The following CACTIN variants were observed in gnomAD, a reference collection of about 807,000 sequenced individuals.
CACTIN encodes cactin, spliceosome C complex subunit.
In CACTIN, 20 loss-of-function variants were observed where a neutral mutation model predicts 84.9. That is an observed-to-expected ratio of 0.24 (90% CI 0.17 to 0.34). CACTIN has a LOEUF of 0.34. Among genes scored for constraint, CACTIN ranks in the 10% least tolerant of loss-of-function variants. The probability of loss-of-function intolerance (pLI) is 1.00; values close to 1 mark genes in which losing one functional copy is unlikely to be tolerated. For missense variants in CACTIN, 897 were observed against 1,117.2 expected (o/e 0.80, Z 2.81); for synonymous variants, 549 against 467.9 (o/e 1.17, Z -2.24).
intron 3 of CACTIN, 36 bp downstream of exon 3, chr19:3,620,671 G>A: frequency 6.5e-7 from 1 of 1,546,262 alleles, no homozygotes; most frequent in Non-Finnish European, 8.8e-7. Context: ...CCCTGGAAAG[G>A]GAGGGCCCTG....
At chr19:3,619,052 C>G (rs1391475257) in intron 5 of CACTIN, 28 bp downstream of exon 5, 1 of 1,550,332 alleles carries the variant, frequency 6.5e-7, no homozygotes, top group South Asian at 1.2e-5. Context: ...GGGTGCAGGT[C>G]AGAGGAGCAT....
chr19:3,626,458 T>C (rs1164900107), intron 1 of CACTIN, 138 bp downstream of exon 1: 1 of 980,176 alleles, frequency 1.0e-6, no homozygotes, highest in South Asian at 2.6e-5. Flanking sequence ...TTCCAACCGG[T>C]GGTCAATTGT....
intron 6 of CACTIN, among the ~76,000 whole-genome samples, chr19:3,617,107 G>A (rs1408841913): frequency 7.5e-6 from 1 of 133,266 alleles, no homozygotes. Flanking sequence ...GTGACAGAGT[G>A]AGACTCCTTC....
intron 3 of CACTIN, 122 bp from the exon 4 acceptor site, chr19:3,620,394 GA>G: frequency 8.8e-7 from 1 of 1,135,934 alleles, no homozygotes; most frequent in Non-Finnish European, 1.3e-6. Context: ...GATTGGTCCG[GA>G]GATGCCTGGG....
chr19:3,613,695 G>C, intron 7 of CACTIN, 109 bp from the exon 8 acceptor site: 1 of 1,441,698 alleles, frequency 6.9e-7, no homozygotes, highest in Non-Finnish European at 9.3e-7. Context: ...AGAAGGTGGC[G>C]AGCAGCCACG....
Position 3,618,862 on chromosome 19 carries a change from T to G in CACTIN, c.1162+13A>C. On this transcript the variant is annotated intron_variant, in intron 6 of 9. Transcript: ENST00000429344. ...GCAGCTCCCCTGGAGCCCAGGCCCA[T>G]GCCCGCCGTTACCTGGCCCCTTGCC... 1 of 1,541,878 alleles carries G rather than the reference T, an allele frequency of 6.5e-7. No homozygotes were observed. The highest frequency in any genetic ancestry group is 8.8e-7 in the Non-Finnish European group (1 of 1,140,364).
At position 3,611,749 on chromosome 19, in the gene CACTIN, A is replaced by G; in HGVS notation, c.*174T>C. The G allele has an allele frequency of 1.2e-6, 1 of 836,324 alleles. No homozygotes were observed. The highest frequency in any genetic ancestry group is 2.2e-4 in the Middle Eastern group (1 of 4,642). The allele number at this position is 836,324 out of a possible 1,614,324, so 51.8% of individuals were successfully genotyped here. A position where few individuals can be genotyped will look rare whatever the true frequency, so the allele number is the denominator to read the frequency against. Reference sequence around the variant, plus strand: ...GCTCACCATGGCAGGCTCAATGGTGACCCCCCTTTTATATAGGAGGAAACT... The same window carrying G: ...GCTCACCATGGCAGGCTCAATGGTGGCCCCCCTTTTATATAGGAGGAAACT... On this transcript the variant is annotated 3_prime_UTR_variant, in exon 10 of 10. Coordinates refer to ENST00000429344, the MANE Select transcript of CACTIN (RefSeq NM_001080543.2).
rs369703510 is a variant in CACTIN, at chr19:3,612,106, G to A, written c.2094C>T (p.Ala698=). The A allele has an allele frequency of 3.0e-5, 48 of 1,613,694 alleles. No homozygotes were observed. The African/African-American group carries it at 6.3e-4, about 21-fold the overall frequency. ...KRSTPEYFLE[A]CADNKDFAIL... ...TGGCGAAATCCTTGTTGTCGGCGCA[G>A]GCCTCCAGGAAGTACTCGGGCGTGG... The change falls in exon 10 of 10, where the codon GCC becomes GCT. Residue 698 remains alanine, a synonymous_variant. Transcript: ENST00000429344.
At chr19:3,621,605 T>G (rs1434844660) in intron 2 of CACTIN, among the ~76,000 whole-genome samples, 1 of 152,066 alleles carries the variant, frequency 6.6e-6, no homozygotes, top group African/African-American at 2.4e-5. Flanking sequence ...CACATCTTCC[T>G]CCTCCATGGC....
At position 3,612,001 on chromosome 19, in the gene CACTIN, G is replaced by C. The variant is rs145384092; in HGVS notation, c.2199C>G (p.Arg733=). 6.3e-4 allele frequency: 1,019 copies of C among 1,613,658 alleles called. 7 individuals are homozygous for C. The African/African-American group carries it at 0.012, about 19-fold the overall frequency. The change falls in exon 10 of 10, where the codon CGC becomes CGG. Residue 733 remains arginine (R), a synonymous_variant. Coordinates refer to ENST00000429344, the MANE Select transcript of CACTIN (RefSeq NM_001080543.2). ...IVNREWEYSH[R]HGFRCQFANG... is the part of the protein sequence containing the mutation. Reference sequence around the variant, plus strand: ...TGGCAAACTGGCAGCGGAAGCCGTGGCGGTGCGAGTATTCCCACTCGCGGT... The same window carrying C: ...TGGCAAACTGGCAGCGGAAGCCGTGCCGGTGCGAGTATTCCCACTCGCGGT...
chr19:3,620,819 C>A lies in CACTIN; in HGVS notation c.643-17G>T. On this transcript the variant is annotated splice_polypyrimidine_tract_variant and intron_variant, in intron 2 of 9. Transcript: ENST00000429344. The stretch of plus-strand genomic sequence containing the variant: ...CTCCAGGGCCTGGAAGCACCAGGCA[C>A]ACCTGCCCTGAGCACAGACCCGCCC... The A allele has an allele frequency of 6.2e-7, 1 of 1,605,730 alleles. No homozygotes were observed. The highest frequency in any genetic ancestry group is 8.5e-7 in the Non-Finnish European group (1 of 1,174,014).
intron 9 of CACTIN, 42 bp downstream of exon 9, chr19:3,613,016 G>C (rs776655988): frequency 1.1e-4 from 160 of 1,473,690 alleles, no homozygotes; most frequent in Admixed American, 1.7e-4. Flanking sequence ...CCCCCAGCTC[G>C]CCCCACTGGC....
At position 3,614,381 on chromosome 19, in the gene CACTIN, C is replaced by T. The variant is rs544160428; in HGVS notation, c.1355+16G>A. The stretch of plus-strand genomic sequence containing the variant: ...CCCGGACGGCACCAACCCTGGTACC[C>T]GCACCTAGTGCTCACCGGGCCCGTG... On this transcript the variant is annotated intron_variant, in intron 7 of 9. Transcript: ENST00000429344. The T allele has an allele frequency of 1.5e-5, 23 of 1,559,038 alleles. No individual in the cohort carries two copies. Among genetic ancestry groups the T allele is most frequent in the South Asian group, 2.4e-5 (2 of 84,838 alleles).
chr19:3,626,281 C>T (rs535695436), intron 1 of CACTIN, among the ~76,000 whole-genome samples: 1 of 152,342 alleles, frequency 6.6e-6, no homozygotes, highest in South Asian at 2.1e-4. Flanking sequence ...CATTTCCCTC[C>T]GACTAATAGC....
chr19:3,623,707 C>T lies in CACTIN; in HGVS notation c.623G>A (p.Gly208Asp), dbSNP rs1207302617. 1 of 1,610,180 alleles carries T rather than the reference C, an allele frequency of 6.2e-7. No homozygotes were observed. Among genetic ancestry groups the T allele is most frequent in the Non-Finnish European group, 8.5e-7 (1 of 1,177,516 alleles). ...GCCCACCTTATTCCAGATGAAGGTG[C>T]CCAGCAGGTTGTTGTCTCCGAAGGG... ...DNPFGDNNLL[G>D]TFIWNKALEK... The change falls in exon 2 of 10, where the codon GGC becomes GAC. Residue 208 changes from glycine to aspartate, a missense_variant. Gly to Asp is a moderately conservative substitution (Grantham distance 94). This residue lies in a region of CACTIN where 304 missense variants were observed against 444.3 expected (regional missense o/e 0.68). Coordinates refer to ENST00000429344, the MANE Select transcript of CACTIN (RefSeq NM_001080543.2).
rs1399744239 is a variant in CACTIN, at chr19:3,611,057, CA to C, written c.*865del. On this transcript the variant is annotated 3_prime_UTR_variant, in exon 10 of 10. Coordinates refer to ENST00000429344, the MANE Select transcript of CACTIN (RefSeq NM_001080543.2). ...GTCTCATGCTCCAAGGCCCCGTGAGCAGGCCAGGTGGGGGGATCCCTGGGGG... is the reference window on the plus strand; with the variant it reads ...GTCTCATGCTCCAAGGCCCCGTGAGCGGCCAGGTGGGGGGATCCCTGGGGG... The C allele has an allele frequency of 2.4e-6, 1 of 422,172 alleles. No homozygotes were observed. The highest frequency in any genetic ancestry group is 4.8e-6 in the Non-Finnish European group (1 of 207,388). 26.2% of individuals were successfully genotyped at this position (422,172 alleles called of 1,614,324 possible).
chr19:3,611,541 G>A lies in CACTIN; in HGVS notation c.*382C>T, dbSNP rs1176725908. On this transcript the variant is annotated 3_prime_UTR_variant, in exon 10 of 10. Coordinates refer to ENST00000429344, the MANE Select transcript of CACTIN (RefSeq NM_001080543.2). ...CTGGCCCATCTCCACAACACCCTGTGTGGCCGCCACTTGGGGCAGGCCCTG... is the reference window on the plus strand; with the variant it reads ...CTGGCCCATCTCCACAACACCCTGTATGGCCGCCACTTGGGGCAGGCCCTG... The A allele has an allele frequency of 2.7e-6, 1 of 366,738 alleles. No homozygotes were observed. The highest frequency in any genetic ancestry group is 5.3e-6 in the Non-Finnish European group (1 of 189,022). 22.7% of individuals were successfully genotyped at this position (366,738 alleles called of 1,614,324 possible).
chr19:3,610,792 G>A lies in CACTIN; in HGVS notation c.*1131C>T, dbSNP rs1272287885. The A allele has an allele frequency of 2.2e-6, 1 of 456,928 alleles. No homozygotes were observed. The highest frequency in any genetic ancestry group is 1.5e-5 in the South Asian group (1 of 64,570). The allele number at this position is 456,928 out of a possible 1,614,324, so 28.3% of individuals were successfully genotyped here. A position where few individuals can be genotyped will look rare whatever the true frequency, so the allele number is the denominator to read the frequency against. On this transcript the variant is annotated 3_prime_UTR_variant, in exon 10 of 10. Coordinates refer to ENST00000429344, the MANE Select transcript of CACTIN (RefSeq NM_001080543.2). ...CCAGATGAGGCGGGGTGTCTGGGAG[G>A]GGCTGTGGGTGGTCTGGGGCTGGTG...
chr19:3,613,318 T>C lies in CACTIN; in HGVS notation c.1526A>G (p.Glu509Gly), dbSNP rs1156714914. ...CACCTCGGCCTCCGCGGGGCCGCCC[T>C]CCGAGGAGGGCCCGGGCGGGGTGGG... The part of the protein sequence containing the change: ...AAPTPPGPSS[E>G]GGPAEAEVDG... The change falls in exon 9 of 10, where the codon GAG becomes GGG. Residue 509 changes from glutamate (E) to glycine (G), a missense_variant. Around this residue, in one of 8 missense-constraint regions of CACTIN, gnomAD observed 243 missense variants for 239.9 expected, o/e 1.01. Transcript: ENST00000429344. 6.4e-7 allele frequency: 1 copy of C among 1,568,062 alleles called. No homozygotes were observed. Among genetic ancestry groups the C allele is most frequent in the African/African-American group, 1.4e-5 (1 of 72,728 alleles).
Sources: allele counts gnomAD v4.1 joint callset (sites outside exome capture counted in the v4.1 genomes callset), GRCh38; gene constraint gnomAD v4.1.1; regional missense constraint gnomAD v4.1.1; transcripts MANE v1.5; gene names NCBI Gene and HGNC (gene_info 2026-07-23, HGNC 2026-07-21).